The following PLVAP variants were observed in gnomAD, a reference collection of about 807,000 sequenced individuals.
PLVAP encodes the protein plasmalemma vesicle-associated protein.
Under a neutral mutation model 43.1 loss-of-function variants are expected in PLVAP, and 34 were observed. The ratio of observed to expected loss-of-function variants is 0.79; its 90% confidence interval spans 0.60 to 1.05. The LOEUF is 1.05. PLVAP is among the 50% of genes least tolerant of loss of function. The probability of loss-of-function intolerance (pLI) is 0.00; values close to 1 mark genes in which losing one functional copy is unlikely to be tolerated. For synonymous variants in PLVAP, 241 were observed against 237.3 expected (o/e 1.02, Z -0.14); for missense variants, 574 against 593.4 (o/e 0.97, Z 0.34).
At chr19:17,372,605 C>T (rs1162546004) in intron 1 of PLVAP, among the ~76,000 whole-genome samples, 137 of 149,542 alleles carry the variant, frequency 9.2e-4, no homozygotes, top group African/African-American at 3.0e-3. Context: ...TACAGGCGCC[C>T]ACCACCACAC....
chr19:17,366,021 A>T, intron 2 of PLVAP, 23 bp from the exon 3 acceptor site: 1 of 1,611,478 alleles, frequency 6.2e-7, no homozygotes, highest in Non-Finnish European at 8.5e-7. Context: ...GGACCAGGAG[A>T]CCCAGGAAGA....
chr19:17,356,099 AG>A (rs1236982540), intron 5 of PLVAP, among the ~76,000 whole-genome samples: 2 of 152,146 alleles, frequency 1.3e-5, no homozygotes, highest in Non-Finnish European at 2.9e-5. Context: ...GCCTGAGGTC[AG>A]GAGTTCGAGA....
intron 5 of PLVAP, among the ~76,000 whole-genome samples, chr19:17,356,165 C>A (rs1200383537): frequency 1.3e-5 from 2 of 152,080 alleles, no homozygotes; most frequent in Non-Finnish European, 2.9e-5. Flanking sequence ...CAAAAAATAA[C>A]CGGGCATGCT....
chr19:17,352,327 CG>C lies in PLVAP; in HGVS notation c.*34del. The C allele has an allele frequency of 6.2e-7, 1 of 1,612,926 alleles. No individual in the cohort carries two copies. The highest frequency in any genetic ancestry group is 1.7e-4 in the Middle Eastern group (1 of 6,046). ...CTGCATCCTCCGCAAACCGCCGAGT[CG>C]GGCCATCCCTTGGTCCTCAGGCCTG... On this transcript the variant is annotated 3_prime_UTR_variant, in exon 6 of 6. Coordinates refer to ENST00000252590, the MANE Select transcript of PLVAP (RefSeq NM_031310.3).
chr19:17,352,220 G>A lies in PLVAP; in HGVS notation c.*142C>T. On this transcript the variant is annotated 3_prime_UTR_variant, in exon 6 of 6. Transcript: ENST00000252590. The stretch of plus-strand genomic sequence containing the variant: ...GGGTGTGAGAGGGTACTAGGGGTTT[G>A]CATGCAGGGAGTTGTCTGATGGTGG... 8.7e-7 allele frequency: 1 copy of A among 1,146,644 alleles called. No individual in the cohort carries two copies. 71.0% of individuals were successfully genotyped at this position (1,146,644 alleles called of 1,614,324 possible).
chr19:17,374,330 C>T (rs1305640176), intron 1 of PLVAP, among the ~76,000 whole-genome samples: 9 of 151,846 alleles, frequency 5.9e-5, no homozygotes, highest in African/African-American at 1.9e-4. Context: ...CCAGGCATGA[C>T]GGCGGGCGCC....
In PLVAP at chr19:17,365,271, G is replaced by A; in HGVS notation, c.1179+15C>T. On this transcript the variant is annotated intron_variant, in intron 3 of 5. Coordinates refer to ENST00000252590, the MANE Select transcript of PLVAP (RefSeq NM_031310.3). The stretch of plus-strand genomic sequence containing the variant: ...TAACTCCACTGCAGCCTCCCTCTGG[G>A]GCCTGCAAGCCCACCTTGGTCTTGA... The A allele has an allele frequency of 1.9e-6, 3 of 1,596,188 alleles. No homozygotes were observed. The highest frequency in any genetic ancestry group is 2.6e-6 in the Non-Finnish European group (3 of 1,170,034).
intron 1 of PLVAP, among the ~76,000 whole-genome samples, chr19:17,375,420 A>G (rs1172754870): frequency 6.6e-6 from 1 of 152,182 alleles, no homozygotes; most frequent in East Asian, 1.9e-4. Flanking sequence ...ATTATTTTCA[A>G]AATTATATCT....
intron 5 of PLVAP, among the ~76,000 whole-genome samples, chr19:17,357,720 T>A (rs60829333): frequency 0.014 from 2,189 of 152,190 alleles, 51 homozygotes; most frequent in East Asian, 0.068. Flanking sequence ...AGTTGCCCAG[T>A]TAACCCAGAG....
rs2074488774 is a variant in PLVAP, at chr19:17,352,220, G to T, written c.*142C>A. The stretch of plus-strand genomic sequence containing the variant: ...GGGTGTGAGAGGGTACTAGGGGTTT[G>T]CATGCAGGGAGTTGTCTGATGGTGG... On this transcript the variant is annotated 3_prime_UTR_variant, in exon 6 of 6. Transcript: ENST00000252590. 8.7e-7 allele frequency: 1 copy of T among 1,146,644 alleles called. No individual in the cohort carries two copies. Among genetic ancestry groups the T allele is most frequent in the Non-Finnish European group, 1.3e-6 (1 of 795,292 alleles). 71.0% of individuals were successfully genotyped at this position (1,146,644 alleles called of 1,614,324 possible).
intron 5 of PLVAP, among the ~76,000 whole-genome samples, chr19:17,356,241 C>CA (rs1289074638): frequency 6.6e-6 from 1 of 152,076 alleles, no homozygotes; most frequent in Admixed American, 6.6e-5. Flanking sequence ...ACCCGGGAGA[C>CA]AGAGGTTTCA....
At chr19:17,370,583 G>C (rs749769599) in intron 1 of PLVAP, among the ~76,000 whole-genome samples, 1 of 152,142 alleles carries the variant, frequency 6.6e-6, no homozygotes, top group Non-Finnish European at 1.5e-5. Context: ...GAAATGCCCA[G>C]AACAGGCAAA....
chr19:17,376,691 G>A (rs1018457415), intron 1 of PLVAP, among the ~76,000 whole-genome samples: 1 of 151,758 alleles, frequency 6.6e-6, no homozygotes, highest in South Asian at 2.1e-4. Flanking sequence ...CCAGCTACTC[G>A]GGAGGCTGAG....
At chr19:17,369,684 A>G (rs1599577769) in intron 1 of PLVAP, among the ~76,000 whole-genome samples, 1 of 150,970 alleles carries the variant, frequency 6.6e-6, no homozygotes, top group East Asian at 1.9e-4. Flanking sequence ...AGATATGCAA[A>G]TGGCCAAAGA....
chr19:17,354,984 G>C (rs1429963876), intron 5 of PLVAP, among the ~76,000 whole-genome samples: 2 of 151,662 alleles, frequency 1.3e-5, no homozygotes, highest in African/African-American at 4.8e-5. Flanking sequence ...CACTTTAGGA[G>C]GCTGAGGCGG....
At chr19:17,356,084 G>A (rs557959996) in intron 5 of PLVAP, among the ~76,000 whole-genome samples, 29 of 152,184 alleles carry the variant, frequency 1.9e-4, no homozygotes, top group African/African-American at 4.8e-4. Flanking sequence ...CAAGGCGGGC[G>A]GACTGCCTGA....
At chr19:17,373,500 C>T (rs993791482) in intron 1 of PLVAP, among the ~76,000 whole-genome samples, 3 of 152,058 alleles carry the variant, frequency 2.0e-5, no homozygotes, top group African/African-American at 7.2e-5. Context: ...GGAGGTCTGT[C>T]TTTGCCACTG....
At chr19:17,359,693 C>T (rs376706735) in intron 5 of PLVAP, among the ~76,000 whole-genome samples, 2 of 116,152 alleles carry the variant, frequency 1.7e-5, no homozygotes, top group African/African-American at 6.3e-5. Flanking sequence ...TACCCGGCCT[C>T]TTTTTTTTTT....
chr19:17,376,798 A>C, intron 1 of PLVAP, 122 bp downstream of exon 1: 1 of 1,029,390 alleles, frequency 9.7e-7, no homozygotes, highest in Non-Finnish European at 1.4e-6. Flanking sequence ...ACTCTGTCTC[A>C]TAAGAAAAGA....
Sources: gnomAD v4.1 joint callset for allele counts (sites outside exome capture counted in the v4.1 genomes callset) on GRCh38, gnomAD v4.1.1 for gene constraint, MANE v1.5 for transcripts, NCBI Gene and HGNC (gene_info 2026-07-23, HGNC 2026-07-21) for gene names.